RGS6: variants seen among roughly 807,000 people sequenced by gnomAD.
The protein encoded by RGS6 is regulator of G protein signaling 6.
In RGS6, 30 loss-of-function variants were observed where a neutral mutation model predicts 78.5. That is an observed-to-expected ratio of 0.38 (90% CI 0.29 to 0.52). The LOEUF (loss-of-function observed/expected upper bound fraction) is 0.52. Ranked by LOEUF, RGS6 falls within the 20% of genes least tolerant of loss-of-function variation. The probability of loss-of-function intolerance (pLI) is 0.85; values close to 1 mark genes in which losing one functional copy is unlikely to be tolerated. For missense variants in RGS6, 495 were observed against 609.7 expected (o/e 0.81, Z 1.98); for synonymous variants, 206 against 206.0 (o/e 1.00, Z 0.00).
At chr14:72,339,919 T>G (rs1052461060) in intron 2 of RGS6, among the ~76,000 whole-genome samples, 2 of 152,138 alleles carry the variant, frequency 1.3e-5, no homozygotes, top group African/African-American at 4.8e-5. Context: ...GGCAGGAATT[T>G]CCTGAAGTCA....
intron 2 of RGS6, among the ~76,000 whole-genome samples, chr14:72,016,459 G>A (rs1487021688): frequency 3.9e-5 from 6 of 152,018 alleles, no homozygotes; most frequent in South Asian, 4.2e-4. Flanking sequence ...GCTGCCTCGC[G>A]GGTTCACGCC....
chr14:72,101,128 T>G (rs952152041), intron 2 of RGS6, among the ~76,000 whole-genome samples: 1 of 152,142 alleles, frequency 6.6e-6, no homozygotes, highest in Admixed American at 6.5e-5. Context: ...CAGTGAGCCG[T>G]GATTATGCTA....
intron 2 of RGS6, among the ~76,000 whole-genome samples, chr14:72,080,759 A>T (rs1005055199): frequency 6.6e-6 from 1 of 152,138 alleles, no homozygotes; most frequent in South Asian, 2.1e-4. Flanking sequence ...TCCCAACACC[A>T]TTTATTTAAG....
chr14:72,196,465 G>A (rs1427326909), intron 2 of RGS6, among the ~76,000 whole-genome samples: 2 of 152,176 alleles, frequency 1.3e-5, no homozygotes, highest in Non-Finnish European at 2.9e-5. Flanking sequence ...TGTGGTGCAT[G>A]GAGTGGGGAC....
At chr14:72,562,333 C>T in intron 17 of RGS6, 84 bp from the exon 18 acceptor site, 1 of 1,403,494 alleles carries the variant, frequency 7.1e-7, no homozygotes, top group Non-Finnish European at 1.0e-6. Flanking sequence ...GCTCATGCAA[C>T]AATTAATTCA....
intron 2 of RGS6, among the ~76,000 whole-genome samples, chr14:72,137,148 G>C (rs1372042519): frequency 6.6e-6 from 1 of 152,126 alleles, no homozygotes; most frequent in Non-Finnish European, 1.5e-5. Context: ...ATAAACTAAG[G>C]TGCAGCCACT....
intron 2 of RGS6, among the ~76,000 whole-genome samples, chr14:72,186,608 C>A (rs977534309): frequency 6.6e-6 from 1 of 152,120 alleles, no homozygotes; most frequent in Non-Finnish European, 1.5e-5. Context: ...ACGCCTTTTA[C>A]TGGGGACAAT....
chr14:72,088,149 C>T (rs2095124712), intron 2 of RGS6, among the ~76,000 whole-genome samples: 1 of 152,194 alleles, frequency 6.6e-6, no homozygotes, highest in African/African-American at 2.4e-5. Flanking sequence ...CCCCAGTCCT[C>T]TGTGTTGCCA....
intron 15 of RGS6, among the ~76,000 whole-genome samples, chr14:72,524,368 C>T (rs1275604354): frequency 6.6e-6 from 1 of 152,156 alleles, no homozygotes; most frequent in Admixed American, 6.5e-5. Context: ...GAGTTCTGAA[C>T]CCTGGGGCAT....
At chr14:72,366,482 A>T (rs1343403133) in intron 3 of RGS6, among the ~76,000 whole-genome samples, 1 of 152,164 alleles carries the variant, frequency 6.6e-6, no homozygotes, top group African/African-American at 2.4e-5. Context: ...AAAATAGAGA[A>T]TTGGAGAGAG....
At chr14:72,540,961 G>A (rs2097317594) in intron 17 of RGS6, 2 of 1,241,420 alleles carry the variant, frequency 1.6e-6, no homozygotes, top group Non-Finnish European at 2.1e-6. Flanking sequence ...CTCTACCATG[G>A]TTTGTAGAAC....
intron 1 of RGS6, among the ~76,000 whole-genome samples, chr14:71,953,975 T>TTTTTG (rs987881756): frequency 2.7e-5 from 4 of 146,096 alleles, no homozygotes; most frequent in African/African-American, 1.0e-4. Flanking sequence ...GGGCGTTTTT[T>TTTTTG]TTTTTTTTTT....
intron 2 of RGS6, among the ~76,000 whole-genome samples, chr14:72,162,321 C>G (rs145484344): frequency 6.6e-6 from 1 of 152,146 alleles, no homozygotes; most frequent in Non-Finnish European, 1.5e-5. Flanking sequence ...AGAGTGGACC[C>G]TGACCCACCT....
At chr14:72,227,366 C>T (rs759578121) in intron 2 of RGS6, among the ~76,000 whole-genome samples, 3 of 152,312 alleles carry the variant, frequency 2.0e-5, no homozygotes, top group East Asian at 1.9e-4. Flanking sequence ...CCTCTCCCCT[C>T]AACCTCCTGA....
intron 2 of RGS6, among the ~76,000 whole-genome samples, chr14:72,110,281 A>C (rs934480539): frequency 6.6e-6 from 1 of 152,202 alleles, no homozygotes; most frequent in Non-Finnish European, 1.5e-5. Context: ...ATGTTGTCCA[A>C]AATTACCCTG....
At chr14:72,073,622 C>G (rs1340622424) in intron 2 of RGS6, among the ~76,000 whole-genome samples, 5 of 152,166 alleles carry the variant, frequency 3.3e-5, no homozygotes, top group Non-Finnish European at 7.3e-5. Flanking sequence ...GCCAGTTCAC[C>G]TAATGGGCAC....
At chr14:72,540,672 C>T (rs1037632331) in intron 17 of RGS6, 54 of 1,386,174 alleles carry the variant, frequency 3.9e-5, no homozygotes, top group Admixed American at 7.5e-5. Flanking sequence ...TGAGTCCCTT[C>T]CAGCCCCCAT....
chr14:72,423,286 TC>T (rs1378314291), intron 3 of RGS6, among the ~76,000 whole-genome samples: 3 of 152,144 alleles, frequency 2.0e-5, no homozygotes, highest in Admixed American at 1.3e-4. Context: ...CACCCATATG[TC>T]CCCCCACCCC....
At chr14:71,870,125 A>G in the RGS6 span, among the ~76,000 whole-genome samples, 1 of 152,110 alleles carries the variant, frequency 6.6e-6, no homozygotes, top group Admixed American at 6.5e-5. Context: ...GCATCACCCA[A>G]TCAATTTCTT....
Sources: allele counts gnomAD v4.1 joint callset (sites outside exome capture counted in the v4.1 genomes callset), GRCh38; gene constraint gnomAD v4.1.1; transcripts MANE v1.5; gene names NCBI Gene and HGNC (gene_info 2026-07-23, HGNC 2026-07-21).